Variants in NFE2L2 observed in about 807,000 individuals in gnomAD.
NFE2L2 encodes the protein NFE2 like bZIP transcription factor 2.
A neutral mutation model predicts 49.6 loss-of-function variants in NFE2L2; 20 were observed. The ratio of observed to expected loss-of-function variants is 0.40; its 90% CI spans 0.28 to 0.59. The LOEUF (loss-of-function observed/expected upper bound fraction) is 0.59, where lower values mean the gene tolerates loss of function less well. Ranked by LOEUF, NFE2L2 falls within the 20% of genes least tolerant of loss-of-function variation. The probability of loss-of-function intolerance (pLI) is 0.40; values close to 1 mark genes in which losing one functional copy is unlikely to be tolerated. For synonymous variants in NFE2L2, 244 were observed against 256.5 expected, an observed-to-expected ratio of 0.95 and a Z score of 0.47; for missense variants, 578 against 714.2, an observed-to-expected ratio of 0.81 and a Z score of 2.17.
rs1281808140 is a variant in NFE2L2, at chr2:177,234,038, C to T, written c.279G>A (p.Gln93=). The T allele has an allele frequency of 1.2e-6, 2 of 1,614,226 alleles. No homozygotes were observed. The highest frequency in any genetic ancestry group is 2.2e-5 in the South Asian group (2 of 91,086). ...FLPIQPAQHI[Q]SETSGSANYS... Reference sequence around the variant, plus strand: ...AGTTGGCAGATCCACTGGTTTCTGACTGGATGTGCTGGGCTGGCTGAATTG... The same window carrying T: ...AGTTGGCAGATCCACTGGTTTCTGATTGGATGTGCTGGGCTGGCTGAATTG... The change falls in exon 2 of 5, where the codon CAG becomes CAA. Residue 93 remains glutamine (Q), a synonymous_variant. Coordinates refer to ENST00000397062, the MANE Select transcript of NFE2L2 (RefSeq NM_006164.5).
chr2:177,242,422 C>G (rs1284806872), intron 1 of NFE2L2, among the ~76,000 whole-genome samples: 1 of 152,168 alleles, frequency 6.6e-6, no homozygotes, highest in Non-Finnish European at 1.5e-5. Context: ...TAAAAAAGCC[C>G]AAATACACAC....
At chr2:177,240,673 G>T (rs1689912136) in intron 1 of NFE2L2, among the ~76,000 whole-genome samples, 1 of 152,098 alleles carries the variant, frequency 6.6e-6, no homozygotes, top group African/African-American at 2.4e-5. Context: ...ACACATTTTA[G>T]GGAAATCTGA....
intron 1 of NFE2L2, among the ~76,000 whole-genome samples, chr2:177,234,916 G>A (rs1689687747): frequency 6.6e-6 from 1 of 151,982 alleles, no homozygotes; most frequent in African/African-American, 2.4e-5. Context: ...TGGAGTTCGA[G>A]ATCAGCCTGG....
intron 1 of NFE2L2, chr2:177,263,968 G>A: frequency 2.0e-6 from 2 of 984,318 alleles, no homozygotes; most frequent in South Asian, 9.4e-5. Context: ...ACGGCCCAGC[G>A]GGGTGAGCGC....
At chr2:177,243,397 G>GT (rs1183272602) in intron 1 of NFE2L2, among the ~76,000 whole-genome samples, 1 of 152,178 alleles carries the variant, frequency 6.6e-6, no homozygotes, top group Non-Finnish European at 1.5e-5. Flanking sequence ...CATTCACACC[G>GT]TAAGGCTTCT....
At chr2:177,249,827 TTC>T (rs1180885101) in intron 1 of NFE2L2, among the ~76,000 whole-genome samples, 20 of 152,350 alleles carry the variant, frequency 1.3e-4, no homozygotes, top group Admixed American at 6.5e-4. Context: ...TTTATACTAT[TTC>T]TGTTTTAAAA....
chr2:177,238,795 T>C (rs1689844689), intron 1 of NFE2L2, among the ~76,000 whole-genome samples: 1 of 152,242 alleles, frequency 6.6e-6, no homozygotes, highest in South Asian at 2.1e-4. Flanking sequence ...ACTATTAACA[T>C]GTTGTAATAA....
chr2:177,231,294 G>A lies in NFE2L2; in HGVS notation c.1309C>T (p.Arg437Trp), dbSNP rs184287392. 1.1e-5 allele frequency: 18 copies of A among 1,614,218 alleles called. No individual in the cohort carries two copies. Among genetic ancestry groups the A allele is most frequent in the Admixed American group, 5.0e-5 (3 of 60,028 alleles). Reference sequence around the variant, plus strand: ...TTGTCTTTTGTGAATGGGGTTTTCCGATGACCAGGACTTACAGGCAATTCT... The same window carrying A: ...TTGTCTTTTGTGAATGGGGTTTTCCAATGACCAGGACTTACAGGCAATTCT... ...EKELPVSPGH[R>W]KTPFTKDKHS... The change falls in exon 5 of 5, where the codon CGG becomes TGG. Residue 437 changes from arginine (R) to tryptophan (W), a missense_variant. Physicochemically the swap from Arg to Trp is moderately radical, Grantham distance 101 (BLOSUM62 -3). This residue lies in a region of NFE2L2 where 368 missense variants were observed against 384.6 expected (regional missense o/e 0.96). Coordinates refer to ENST00000397062, the MANE Select transcript of NFE2L2 (RefSeq NM_006164.5).
chr2:177,245,002 C>CAAAAAAAAAAAAAAAAAAAAAAAAAA (rs56326022), intron 1 of NFE2L2, among the ~76,000 whole-genome samples: 1 of 49,048 alleles, frequency 2.0e-5, no homozygotes. Context: ...GACTCTGTCT[C>CAAAAAAAAAAAAAAAAAAAAAAAAAA]AAAAAAAAAA....
intron 1 of NFE2L2, among the ~76,000 whole-genome samples, chr2:177,235,228 C>A (rs575360303): frequency 6.6e-6 from 1 of 151,920 alleles, no homozygotes; most frequent in African/African-American, 2.4e-5. Flanking sequence ...GAGTTCGCGA[C>A]CAGCCTGGGC....
At chr2:177,249,890 G>A (rs970354872) in intron 1 of NFE2L2, among the ~76,000 whole-genome samples, 2 of 152,182 alleles carry the variant, frequency 1.3e-5, no homozygotes, top group African/African-American at 4.8e-5. Context: ...GGTTGCATGA[G>A]CCAAATTTCA....
intron 1 of NFE2L2, among the ~76,000 whole-genome samples, chr2:177,234,830 CT>C (rs1374368308): frequency 6.6e-6 from 1 of 152,152 alleles, no homozygotes; most frequent in African/African-American, 2.4e-5. Context: ...GCTTGCTACT[CT>C]TATCTCTGTG....
intron 1 of NFE2L2, among the ~76,000 whole-genome samples, chr2:177,257,090 T>A (rs892348028): frequency 2.6e-5 from 4 of 152,268 alleles, no homozygotes; most frequent in Non-Finnish European, 5.9e-5. Flanking sequence ...AAAGTGGGAC[T>A]TTATCAGGCA....
At chr2:177,243,905 A>G (rs1183481621) in intron 1 of NFE2L2, among the ~76,000 whole-genome samples, 2 of 152,088 alleles carry the variant, frequency 1.3e-5, no homozygotes, top group African/African-American at 4.8e-5. Flanking sequence ...AATGCCATTT[A>G]CTGCTGCTAG....
Position 177,231,909 on chromosome 2 carries a change from T to C in NFE2L2, c.694A>G (p.Ile232Val), listed in dbSNP as rs369687249. Residue 232 changes from isoleucine (I) to valine (V), a missense_variant, in exon 5 of 5, where the codon ATA becomes GTA. By Grantham distance (29) the Ile-to-Val change is conservative. Around this residue, in one of 3 missense-constraint regions of NFE2L2, gnomAD observed 368 missense variants for 384.6 expected, o/e 0.96. Coordinates refer to ENST00000397062, the MANE Select transcript of NFE2L2 (RefSeq NM_006164.5). The part of the protein sequence containing the change: ...EVDNYHFYSS[I>V]PSMEKEVGNC... ...CCTACTTCTTTTTCCATTGAGGGTA[T>C]AGATGAGTAAAAATGATAATTGTCA... 16 of 1,614,064 alleles carry C rather than the reference T, an allele frequency of 9.9e-6. No individual in the cohort carries two copies. The highest frequency in any genetic ancestry group is 5.3e-5 in the African/African-American group (4 of 74,926).
At chr2:177,263,688 G>A (rs913650473) in intron 1 of NFE2L2, 1 of 985,396 alleles carries the variant, frequency 1.0e-6, no homozygotes, top group South Asian at 4.7e-5. Flanking sequence ...AGAAGCCCCG[G>A]GTGCCGCCGA....
rs1386675126 is a variant in NFE2L2 at position 177,264,517 on chromosome 2, G to A, written c.45+15C>T. On this transcript the variant is annotated intron_variant, in intron 1 of 4. Coordinates refer to ENST00000397062, the MANE Select transcript of NFE2L2 (RefSeq NM_006164.5). Reference sequence around the variant, plus strand: ...TCCCGGCACCACCGCAGGGCCCAGAGGGCCGAGGCAGCACCTGCTGGGACG... The same window carrying A: ...TCCCGGCACCACCGCAGGGCCCAGAAGGCCGAGGCAGCACCTGCTGGGACG... 6.6e-7 allele frequency: 1 copy of A among 1,524,716 alleles called. No individual in the cohort carries two copies. Among genetic ancestry groups the A allele is most frequent in the East Asian group, 2.7e-5 (1 of 37,698 alleles). 94.4% of individuals were successfully genotyped at this position (1,524,716 alleles called of 1,614,324 possible).
chr2:177,264,705 G>C lies in NFE2L2; in HGVS notation c.-129C>G. 1.3e-6 allele frequency: 1 copy of C among 777,072 alleles called. No individual in the cohort carries two copies. Among genetic ancestry groups the C allele is most frequent in the Non-Finnish European group, 1.8e-6 (1 of 555,906 alleles). 48.1% of individuals were successfully genotyped at this position (777,072 alleles called of 1,614,324 possible). ...TGGCGGCTGCGTCGGCGGCTCCTCC[G>C]GGCTCCCCGGCACTCGGTAATCGGC... On this transcript the variant is annotated 5_prime_UTR_variant, in exon 1 of 5. Transcript: ENST00000397062.
intron 1 of NFE2L2, chr2:177,263,489 G>C: frequency 1.0e-6 from 1 of 985,554 alleles, no homozygotes; most frequent in Admixed American, 6.1e-5. Flanking sequence ...AAGCCGCTCT[G>C]GGGAAAATAG....
Sources: gnomAD v4.1 joint callset for allele counts (sites outside exome capture counted in the v4.1 genomes callset) on GRCh38, gnomAD v4.1.1 for gene constraint, gnomAD v4.1.1 regional missense constraint, MANE v1.5 for transcripts, NCBI Gene and HGNC (gene_info 2026-07-23, HGNC 2026-07-21) for gene names.